Variants in STARD13 observed in about 807,000 individuals in gnomAD.
STARD13 encodes stAR-related lipid transfer protein 13.
Under a neutral mutation model 106.4 loss-of-function variants are expected in STARD13, and 62 were observed. The observed-to-expected ratio is 0.58, with a 90% confidence interval of 0.48 to 0.72. The LOEUF (loss-of-function observed/expected upper bound fraction) is 0.72, where lower values mean the gene tolerates loss of function less well. Ranked by LOEUF, STARD13 falls within the 30% of genes least tolerant of loss-of-function variation. STARD13 has a pLI of 0.00. For synonymous variants in STARD13, 565 were observed against 553.0 expected, an observed-to-expected ratio of 1.02 and a Z score of -0.31; for missense variants, 1,387 against 1,424.0, an observed-to-expected ratio of 0.97 and a Z score of 0.42.
the STARD13 span, among the ~76,000 whole-genome samples, chr13:33,632,907 C>A: frequency 1.3e-5 from 2 of 151,278 alleles, no homozygotes; most frequent in Admixed American, 6.6e-5. Context: ...GAATAATGAT[C>A]AATGAAATGA....
chr13:33,106,615 A>T, intron 13 of STARD13, 143 bp downstream of exon 13: 1 of 649,602 alleles, frequency 1.5e-6, no homozygotes, highest in Non-Finnish European at 2.5e-6. Flanking sequence ...GGAGGCATAC[A>T]TATCCACCTA....
At chr13:33,408,500 A>T in the STARD13 span, among the ~76,000 whole-genome samples, 1 of 152,090 alleles carries the variant, frequency 6.6e-6, no homozygotes, top group African/African-American at 2.4e-5. Context: ...TTCCTTTTTA[A>T]GGCTGAATAT....
chr13:33,510,376 T>C, the STARD13 span, among the ~76,000 whole-genome samples: 1 of 152,198 alleles, frequency 6.6e-6, no homozygotes, highest in African/African-American at 2.4e-5. Flanking sequence ...ATATGGATAC[T>C]GGGCAGCCAA....
At chr13:33,507,663 C>A in the STARD13 span, among the ~76,000 whole-genome samples, 1 of 152,110 alleles carries the variant, frequency 6.6e-6, no homozygotes, top group Non-Finnish European at 1.5e-5. Flanking sequence ...TTGTGAGTCC[C>A]CAAGAAAACT....
At chr13:33,525,281 C>T in the STARD13 span, among the ~76,000 whole-genome samples, 1 of 152,026 alleles carries the variant, frequency 6.6e-6, no homozygotes, top group Middle Eastern at 3.2e-3. Flanking sequence ...CTTTGGCCTC[C>T]CAAAGCACTG....
chr13:33,381,362 C>T, the STARD13 span, among the ~76,000 whole-genome samples: 1 of 152,050 alleles, frequency 6.6e-6, no homozygotes, highest in African/African-American at 2.4e-5. Context: ...AGGGTGTGAC[C>T]CAGGAGAGGC....
chr13:33,190,277 T>A (rs1886145846), intron 1 of STARD13, among the ~76,000 whole-genome samples: 2 of 151,806 alleles, frequency 1.3e-5, no homozygotes, highest in Admixed American at 6.6e-5. Context: ...CAAAAAAAAA[T>A]GAAAAGAATT....
intron 1 of STARD13, among the ~76,000 whole-genome samples, chr13:33,292,293 A>G (rs1057312799): frequency 3.3e-5 from 5 of 152,146 alleles, no homozygotes; most frequent in African/African-American, 1.2e-4. Context: ...ATCACCAGGT[A>G]TGCTGACCCC....
the STARD13 span, among the ~76,000 whole-genome samples, chr13:33,659,262 C>G: frequency 4.7e-5 from 7 of 149,014 alleles, no homozygotes; most frequent in East Asian, 1.4e-3. Flanking sequence ...GTTGCCCAGG[C>G]TGGAGTGCAG....
At chr13:33,320,747 G>C (rs1244354513) in intron 1 of STARD13, among the ~76,000 whole-genome samples, 5 of 152,156 alleles carry the variant, frequency 3.3e-5, no homozygotes, top group African/African-American at 1.2e-4. Context: ...AGGAGGGGAG[G>C]ACTGCTTGAG....
intron 3 of STARD13, among the ~76,000 whole-genome samples, chr13:33,157,713 A>AT (rs1378548937): frequency 1.3e-5 from 2 of 152,220 alleles, no homozygotes; most frequent in Non-Finnish European, 2.9e-5. Flanking sequence ...CATCTTGAGC[A>AT]TCGGGGCTGT....
chr13:33,350,446 C>G (rs1260982392), exon 1 of STARD13: 1 of 1,515,710 alleles, frequency 6.6e-7, no homozygotes, highest in Non-Finnish European at 8.8e-7. Context: ...CCGGCGGGCT[C>G]TCCACCGCCA....
chr13:33,382,838 T>G, the STARD13 span, among the ~76,000 whole-genome samples: 2 of 152,224 alleles, frequency 1.3e-5, no homozygotes, highest in Non-Finnish European at 2.9e-5. Flanking sequence ...TTCCTATGAT[T>G]TAGCTATTCT....
the STARD13 span, among the ~76,000 whole-genome samples, chr13:33,484,462 C>T: frequency 1.3e-5 from 2 of 152,126 alleles, no homozygotes; most frequent in Non-Finnish European, 2.9e-5. Flanking sequence ...CATATGAATA[C>T]ACCTGGACAT....
chr13:33,660,923 G>C, the STARD13 span, among the ~76,000 whole-genome samples: 2 of 152,000 alleles, frequency 1.3e-5, no homozygotes, highest in South Asian at 4.2e-4. Context: ...TTCTTGGTAG[G>C]GTTGCCAAAA....
At chr13:33,313,588 C>T (rs1438043214) in intron 1 of STARD13, among the ~76,000 whole-genome samples, 3 of 152,190 alleles carry the variant, frequency 2.0e-5, no homozygotes, top group Non-Finnish European at 4.4e-5. Flanking sequence ...CCCAACTCCA[C>T]CTTTCTCTAA....
At chr13:33,211,443 C>G (rs1887710341) in intron 1 of STARD13, among the ~76,000 whole-genome samples, 1 of 152,080 alleles carries the variant, frequency 6.6e-6, no homozygotes, top group Non-Finnish European at 1.5e-5. Flanking sequence ...ATATATAACA[C>G]ACTTGTTATA....
the STARD13 span, among the ~76,000 whole-genome samples, chr13:33,436,733 A>T: frequency 6.6e-6 from 1 of 152,206 alleles, no homozygotes; most frequent in Non-Finnish European, 1.5e-5. Context: ...ATTCTCTCTT[A>T]ATCTGTAGTG....
the STARD13 span, among the ~76,000 whole-genome samples, chr13:33,515,046 TGTAGA>T: frequency 6.6e-6 from 1 of 152,196 alleles, no homozygotes; most frequent in Non-Finnish European, 1.5e-5. Flanking sequence ...GAGGAGGTGA[TGTAGA>T]GTAAAGGCCA....
Sources: gnomAD v4.1 joint callset for allele counts (sites outside exome capture counted in the v4.1 genomes callset) on GRCh38, gnomAD v4.1.1 for gene constraint, MANE v1.5 for transcripts, NCBI Gene and HGNC (gene_info 2026-07-23, HGNC 2026-07-21) for gene names.